Variants in ADGRA1 observed in about 807,000 individuals in gnomAD.
ADGRA1 encodes G-protein coupled receptor 123.
ADGRA1 carries 12 observed loss-of-function variants against 21.3 expected under a neutral mutation model. The observed-to-expected ratio is 0.56, with a 90% CI of 0.36 to 0.91. The LOEUF is 0.91. Ranked by LOEUF, ADGRA1 falls within the 40% of genes least tolerant of loss-of-function variation. The pLI, the probability that ADGRA1 is intolerant of heterozygous loss-of-function variation, is 0.01. For missense variants in ADGRA1, 790 were observed against 805.6 expected (o/e 0.98, Z 0.23); for synonymous variants, 385 against 368.8 (o/e 1.04, Z -0.50).
intron 5 of ADGRA1, among the ~76,000 whole-genome samples, chr10:133,118,192 TAGAG>T (rs1248502802): frequency 6.6e-6 from 1 of 152,300 alleles, no homozygotes; most frequent in African/African-American, 2.4e-5. Context: ...GCCTTTTCAT[TAGAG>T]AGTAAAACCC....
intron 5 of ADGRA1, among the ~76,000 whole-genome samples, chr10:133,121,500 CGTGTGTGCAAGTGTGA>C (rs1564853047): frequency 6.9e-6 from 1 of 144,996 alleles, no homozygotes; most frequent in African/African-American, 2.6e-5. Context: ...TGCCAGTGTG[CGTGTGTGCAAGTGTGA>C]GTGCCTGTGC....
intron 4 of ADGRA1, 82 bp downstream of exon 4, chr10:133,098,845 C>T (rs1250140207): frequency 6.0e-6 from 9 of 1,511,832 alleles, no homozygotes; most frequent in Admixed American, 4.0e-5. Context: ...AATATTCCAG[C>T]GTTTGCTCAG....
intron 5 of ADGRA1, among the ~76,000 whole-genome samples, chr10:133,113,687 G>A (rs542717665): frequency 1.6e-4 from 23 of 143,506 alleles, no homozygotes; most frequent in Admixed American, 5.7e-4. Flanking sequence ...GGTCACAGGC[G>A]AGCAAGCGAC....
chr10:133,108,064 T>C (rs1411965730), intron 5 of ADGRA1, among the ~76,000 whole-genome samples: 4 of 152,214 alleles, frequency 2.6e-5, no homozygotes, highest in Non-Finnish European at 5.9e-5. Flanking sequence ...TTTCTCCACA[T>C]GTGAGGAGTG....
At chr10:133,102,219 G>A (rs1421943077) in intron 4 of ADGRA1, 15 of 459,556 alleles carry the variant, frequency 3.3e-5, no homozygotes, top group East Asian at 6.8e-5. Context: ...GAGGAACGGC[G>A]ACCTGCAGGG....
rs950746777 is a variant in ADGRA1 at position 133,109,832 on chromosome 10, G to T, written c.401+6990G>T. Among the ~76,000 whole-genome samples the T allele has an allele frequency of 1.2e-4, 18 of 152,364 alleles. No individual in the cohort carries two copies. In the East Asian group the frequency reaches 2.5e-3, roughly 21 times the overall value. On this transcript the variant is annotated intron_variant, in intron 5 of 6. Transcript: ENST00000392607. ...GCTCAGCTGGGCTGGATGTGTCGAT[G>T]GAAAGCAATCAGTTTCATACTTTGT... is the stretch of plus-strand genomic sequence containing the variant.
In ADGRA1 at chr10:133,088,875, A is replaced by T; in HGVS notation, c.-35A>T. ...TCGCCTCCCCCTGGACGCCTCCTCC[A>T]GCGGCGCTCACGCTTCCGCAACTTT... On this transcript the variant is annotated 5_prime_UTR_variant, in exon 2 of 7. Coordinates refer to ENST00000392607, the MANE Select transcript of ADGRA1 (RefSeq NM_001083909.3). The T allele has an allele frequency of 8.1e-7, 1 of 1,238,422 alleles. No individual in the cohort carries two copies. The highest frequency in any genetic ancestry group is 1.0e-6 in the Non-Finnish European group (1 of 988,374). The allele number at this position is 1,238,422 out of a possible 1,614,324, so 76.7% of individuals were successfully genotyped here.
rs1315315074 is a variant in ADGRA1 at position 133,129,684 on chromosome 10, G to GC, written c.*177dup. ...GCCCCTTCCTTGTGATCACACCCCTGCCCCTTCCTTGTGATCACACCCCTG... is the reference window on the plus strand; with the variant it reads ...GCCCCTTCCTTGTGATCACACCCCTGCCCCCTTCCTTGTGATCACACCCCTG... On this transcript the variant is annotated 3_prime_UTR_variant, in exon 7 of 7. Transcript: ENST00000392607. 3.0e-5 allele frequency: 11 copies of GC among 371,652 alleles called. No homozygotes were observed. Among genetic ancestry groups the GC allele is most frequent in the African/African-American group, 2.6e-4 (10 of 38,140 alleles). 23.0% of individuals were successfully genotyped at this position (371,652 alleles called of 1,614,324 possible).
intron 5 of ADGRA1, among the ~76,000 whole-genome samples, chr10:133,125,078 G>A (rs1481511831): frequency 6.6e-6 from 1 of 152,248 alleles, no homozygotes; most frequent in East Asian, 1.9e-4. Flanking sequence ...CCGGGCATCC[G>A]TGTAGCCGCT....
chr10:133,123,718 C>G (rs990354733), intron 5 of ADGRA1, among the ~76,000 whole-genome samples: 1 of 151,964 alleles, frequency 6.6e-6, no homozygotes, highest in Non-Finnish European at 1.5e-5. Flanking sequence ...CCTCCCTCCC[C>G]CCCCCCGGCA....
At chr10:133,103,192 G>C (rs979993145) in intron 5 of ADGRA1, among the ~76,000 whole-genome samples, 2 of 152,292 alleles carry the variant, frequency 1.3e-5, no homozygotes, top group East Asian at 3.9e-4. Flanking sequence ...TGGGGCTGGC[G>C]TGTGTTGGGG....
chr10:133,102,579 C>T (rs779523755), intron 4 of ADGRA1, 118 bp from the exon 5 acceptor site: 39 of 1,233,392 alleles, frequency 3.2e-5, no homozygotes, highest in Non-Finnish European at 4.0e-5. Context: ...CCCTGGGATA[C>T]AGACGCTGCT....
At chr10:133,113,113 G>A (rs796359461) in intron 5 of ADGRA1, among the ~76,000 whole-genome samples, 5 of 151,566 alleles carry the variant, frequency 3.3e-5, no homozygotes, top group South Asian at 2.1e-4. Context: ...GGGTCTGTAA[G>A]CTGTGTCGGT....
intron 5 of ADGRA1, among the ~76,000 whole-genome samples, chr10:133,118,185 T>G (rs1342108639): frequency 6.6e-6 from 1 of 152,156 alleles, no homozygotes. Flanking sequence ...CCAAACTGCC[T>G]TTTCATTAGA....
intron 2 of ADGRA1, among the ~76,000 whole-genome samples, chr10:133,095,203 A>G (rs1418211231): frequency 1.3e-5 from 2 of 152,080 alleles, no homozygotes; most frequent in Admixed American, 1.3e-4. Context: ...CTGTTGCAGG[A>G]GGCAACTGAC....
At chr10:133,124,701 A>AG (rs1852341973) in intron 5 of ADGRA1, among the ~76,000 whole-genome samples, 1 of 152,242 alleles carries the variant, frequency 6.6e-6, no homozygotes, top group Admixed American at 6.5e-5. Context: ...TTGGAGCCAT[A>AG]GGAGAGGGTG....
chr10:133,119,984 C>T (rs1045499557), intron 5 of ADGRA1, among the ~76,000 whole-genome samples: 4 of 152,208 alleles, frequency 2.6e-5, no homozygotes, highest in Admixed American at 2.6e-4. Context: ...TTCCTGGCTC[C>T]GTTAGCCCCT....
intron 5 of ADGRA1, among the ~76,000 whole-genome samples, chr10:133,109,526 G>A (rs571605914): frequency 6.6e-6 from 1 of 152,192 alleles, no homozygotes; most frequent in Admixed American, 6.5e-5. Context: ...AGCACTGAGG[G>A]TCGGTCCCTC....
chr10:133,108,255 CG>C (rs1434297560), intron 5 of ADGRA1, among the ~76,000 whole-genome samples: 8 of 152,232 alleles, frequency 5.3e-5, no homozygotes, highest in African/African-American at 1.9e-4. Flanking sequence ...AGCTCTGCCT[CG>C]GGGCCTCCTG....
Sources: gnomAD v4.1 joint callset for allele counts (sites outside exome capture counted in the v4.1 genomes callset) on GRCh38, gnomAD v4.1.1 for gene constraint, MANE v1.5 for transcripts, NCBI Gene and HGNC (gene_info 2026-07-23, HGNC 2026-07-21) for gene names.